The following NTM variants were observed in gnomAD, a reference collection of about 807,000 sequenced individuals.
NTM encodes IgLON family member 2.
In NTM, 13 loss-of-function variants were observed where a neutral mutation model predicts 42.1. That is an observed-to-expected ratio of 0.31 (90% CI 0.20 to 0.49). The LOEUF is 0.49. Among genes scored for constraint, NTM ranks in the 20% least tolerant of loss-of-function variants. The pLI, the probability that NTM is intolerant of heterozygous loss-of-function variation, is 0.99. For missense variants in NTM, 373 were observed against 452.8 expected, an observed-to-expected ratio of 0.82 and a Z score of 1.60; for synonymous variants, 187 against 179.2, an observed-to-expected ratio of 1.04 and a Z score of -0.35.
intron 1 of NTM, among the ~76,000 whole-genome samples, chr11:131,463,471 T>A (rs1032760410): frequency 6.6e-6 from 1 of 152,224 alleles, no homozygotes; most frequent in Non-Finnish European, 1.5e-5. Flanking sequence ...CCTTGCTGTG[T>A]GGCCGCTGGG....
chr11:132,069,201 A>G (rs531034003), intron 2 of NTM, among the ~76,000 whole-genome samples: 1 of 152,034 alleles, frequency 6.6e-6, no homozygotes, highest in East Asian at 1.9e-4. Flanking sequence ...AACACGTCAA[A>G]CTGACCATCA....
At chr11:131,666,117 G>A (rs191299964) in intron 1 of NTM, among the ~76,000 whole-genome samples, 205 of 152,242 alleles carry the variant, frequency 1.3e-3, no homozygotes, top group African/African-American at 4.5e-3. Context: ...GGTAATTGGA[G>A]ACAACACATC....
intron 1 of NTM, among the ~76,000 whole-genome samples, chr11:131,827,590 C>T (rs928406806): frequency 6.6e-6 from 1 of 152,148 alleles, no homozygotes; most frequent in Admixed American, 6.5e-5. Flanking sequence ...ATGTTTTGTC[C>T]AAAACCTGAA....
intron 1 of NTM, among the ~76,000 whole-genome samples, chr11:131,406,205 G>T (rs1451519598): frequency 6.6e-6 from 1 of 152,162 alleles, no homozygotes; most frequent in Non-Finnish European, 1.5e-5. Context: ...AATAATGTCA[G>T]AGTTAAAAAG....
At chr11:132,095,265 G>T (rs750512181) in intron 2 of NTM, among the ~76,000 whole-genome samples, 2 of 152,148 alleles carry the variant, frequency 1.3e-5, no homozygotes, top group African/African-American at 4.8e-5. Context: ...TAATTTGGGA[G>T]TGGGAAGAAA....
At chr11:131,695,704 C>T (rs896221824) in intron 1 of NTM, among the ~76,000 whole-genome samples, 5 of 152,128 alleles carry the variant, frequency 3.3e-5, no homozygotes, top group African/African-American at 1.2e-4. Flanking sequence ...AGCAGCGGGT[C>T]GGATGGAGAA....
chr11:132,310,072 A>C (rs1159694967), intron 5 of NTM, 40 bp from the exon 6 acceptor site: 5 of 1,530,748 alleles, frequency 3.3e-6, no homozygotes, highest in Non-Finnish European at 4.4e-6. Context: ...AAAAAAAAAA[A>C]AAGGTGGGGG....
chr11:131,386,732 A>G (rs1460609960), intron 1 of NTM, among the ~76,000 whole-genome samples: 2 of 152,226 alleles, frequency 1.3e-5, no homozygotes, highest in Non-Finnish European at 2.9e-5. Context: ...TTGCTTGTGT[A>G]ATGGGAGAGA....
chr11:131,401,822 A>ATATATATATATGTG (rs1945218357), intron 1 of NTM, among the ~76,000 whole-genome samples: 9 of 57,876 alleles, frequency 1.6e-4, no homozygotes, highest in South Asian at 5.8e-4. Flanking sequence ...ATATATATAT[A>ATATATATATATGTG]TATATATATA....
At position 131,789,561 on chromosome 11, in the gene NTM, A is replaced by G. The variant is rs1268448820; in HGVS notation, c.83-122003A>G. On this transcript the variant is annotated intron_variant, in intron 1 of 8. Transcript: ENST00000683400. The stretch of plus-strand genomic sequence containing the variant: ...GAAGAAGAAGAAAAGAAGAAGAAGA[A>G]GAAGAAGAAGAAGAAGAAGAAGAAG... Among the ~76,000 whole-genome samples the G allele has an allele frequency of 1.1e-3, 30 of 27,990 alleles. 3 individuals are homozygous for G. Among genetic ancestry groups the G allele is most frequent in the Non-Finnish European group, 1.4e-3 (22 of 15,274 alleles). The allele number at this position is 27,990 out of a possible 152,430, so 18.4% of individuals were successfully genotyped here. A position where few individuals can be genotyped will look rare whatever the true frequency, so the allele number is the denominator to read the frequency against.
intron 2 of NTM, among the ~76,000 whole-genome samples, chr11:132,059,477 A>T (rs2080262964): frequency 6.6e-6 from 1 of 152,220 alleles, no homozygotes; most frequent in Admixed American, 6.5e-5. Context: ...CGATTGACAC[A>T]TTCTTTGTAT....
At chr11:131,695,599 G>A (rs1380343708) in intron 1 of NTM, among the ~76,000 whole-genome samples, 3 of 152,100 alleles carry the variant, frequency 2.0e-5, no homozygotes, top group African/African-American at 7.2e-5. Context: ...CCTTTGAAGT[G>A]GGGTGTTTTT....
At chr11:132,108,083 T>G (rs1020478719) in intron 2 of NTM, among the ~76,000 whole-genome samples, 3 of 152,212 alleles carry the variant, frequency 2.0e-5, no homozygotes, top group African/African-American at 7.2e-5. Flanking sequence ...ACGTTGTTGC[T>G]CACACCAAAA....
At chr11:132,153,171 G>A (rs556448044) in intron 3 of NTM, among the ~76,000 whole-genome samples, 27 of 152,298 alleles carry the variant, frequency 1.8e-4, no homozygotes. Context: ...GCTTCTGAGC[G>A]GCCTCAGAGT....
intron 2 of NTM, among the ~76,000 whole-genome samples, chr11:132,059,738 C>T (rs934089144): frequency 6.6e-6 from 1 of 151,726 alleles, no homozygotes; most frequent in Non-Finnish European, 1.5e-5. Context: ...CCACACCACC[C>T]CCCATCACCC....
intron 1 of NTM, among the ~76,000 whole-genome samples, chr11:131,393,308 C>T (rs1238768707): frequency 6.6e-6 from 1 of 152,156 alleles, no homozygotes; most frequent in Non-Finnish European, 1.5e-5. Flanking sequence ...CACACATGGG[C>T]TCCTTCATGT....
intron 2 of NTM, among the ~76,000 whole-genome samples, chr11:132,018,668 T>C (rs975432749): frequency 6.6e-6 from 1 of 152,038 alleles, no homozygotes; most frequent in Non-Finnish European, 1.5e-5. Context: ...GTTTATGAGA[T>C]ATAGTAATCT....
chr11:132,227,899 G>A (rs1444938694), intron 4 of NTM, among the ~76,000 whole-genome samples: 1 of 152,106 alleles, frequency 6.6e-6, no homozygotes, highest in Non-Finnish European at 1.5e-5. Context: ...AGGGGCAGGG[G>A]ACACAGAACG....
At chr11:131,456,513 C>G (rs1414756362) in intron 1 of NTM, among the ~76,000 whole-genome samples, 3 of 152,166 alleles carry the variant, frequency 2.0e-5, no homozygotes, top group African/African-American at 7.2e-5. Flanking sequence ...CCAAAACAGA[C>G]AGGCCCAGAA....
Sources: gnomAD v4.1 joint callset for allele counts (sites outside exome capture counted in the v4.1 genomes callset) on GRCh38, gnomAD v4.1.1 for gene constraint, MANE v1.5 for transcripts, NCBI Gene and HGNC (gene_info 2026-07-23, HGNC 2026-07-21) for gene names.